Variants in CSMD1 observed in about 807,000 individuals in gnomAD.
CSMD1 encodes the protein CUB and Sushi multiple domains 1, also known as CUB and sushi domain-containing protein 1.
In CSMD1, 213 loss-of-function variants were observed where a neutral mutation model predicts 417.5. The ratio of observed to expected loss-of-function variants is 0.51; its 90% confidence interval spans 0.46 to 0.57. CSMD1 has a LOEUF of 0.57. Ranked by LOEUF, CSMD1 falls within the 20% of genes least tolerant of loss-of-function variation. The pLI is 0.00. For missense variants in CSMD1, 6,923 were observed against 4,529.7 expected (o/e 1.53, Z -15.17); for synonymous variants, 2,862 against 1,736.8 (o/e 1.65, Z -16.11).
At chr8:3,262,734 G>A (rs1435114685) in intron 26 of CSMD1, among the ~76,000 whole-genome samples, 1 of 152,046 alleles carries the variant, frequency 6.6e-6, no homozygotes, top group African/African-American at 2.4e-5. Context: ...TCTCATAGTG[G>A]AAAATGTCCT....
At chr8:3,803,391 G>A (rs188881181) in intron 5 of CSMD1, among the ~76,000 whole-genome samples, 18 of 152,182 alleles carry the variant, frequency 1.2e-4, no homozygotes, top group Non-Finnish European at 2.4e-4. Context: ...AACCCACGCT[G>A]GAGAGGAAAC....
At chr8:4,895,105 T>A (rs2117017723) in intron 1 of CSMD1, among the ~76,000 whole-genome samples, 1 of 152,322 alleles carries the variant, frequency 6.6e-6, no homozygotes, top group South Asian at 2.1e-4. Flanking sequence ...AGGAACTGGT[T>A]ATTAAAGAGT....
At chr8:3,308,157 C>G (rs753980673) in intron 24 of CSMD1, among the ~76,000 whole-genome samples, 155 bp downstream of exon 24, 1 of 151,824 alleles carries the variant, frequency 6.6e-6, no homozygotes, top group South Asian at 2.1e-4. Context: ...AAAACACACA[C>G]TCACAGACAC....
chr8:3,827,680 A>T (rs1413512290), intron 5 of CSMD1, among the ~76,000 whole-genome samples: 2 of 152,196 alleles, frequency 1.3e-5, no homozygotes, highest in African/African-American at 4.8e-5. Flanking sequence ...GATAAACCCA[A>T]TTTATTGACT....
intron 3 of CSMD1, among the ~76,000 whole-genome samples, chr8:4,229,874 T>C (rs1801605935): frequency 6.6e-6 from 1 of 152,218 alleles, no homozygotes; most frequent in African/African-American, 2.4e-5. Context: ...TGCCCCAGTG[T>C]TGAAATCTGT....
chr8:3,839,294 A>G (rs1224565756), intron 5 of CSMD1, among the ~76,000 whole-genome samples: 2 of 124,154 alleles, frequency 1.6e-5, no homozygotes, highest in Non-Finnish European at 3.1e-5. Context: ...TTAATTATAT[A>G]TACTATTATA....
intron 5 of CSMD1, among the ~76,000 whole-genome samples, chr8:3,947,320 T>A (rs547674745): frequency 6.6e-6 from 1 of 152,188 alleles, no homozygotes; most frequent in Admixed American, 6.5e-5. Flanking sequence ...TCTGTTAAGA[T>A]TATGAATTAC....
chr8:3,471,642 T>C (rs1817109778), intron 11 of CSMD1, among the ~76,000 whole-genome samples: 2 of 137,524 alleles, frequency 1.5e-5, no homozygotes, highest in South Asian at 5.8e-4. Context: ...CCCTCCCTTC[T>C]TCCTCTCTCC....
intron 5 of CSMD1, among the ~76,000 whole-genome samples, chr8:3,908,061 C>G (rs867140970): frequency 4.6e-5 from 7 of 152,116 alleles, no homozygotes; most frequent in Non-Finnish European, 8.8e-5. Flanking sequence ...GTCTGACTCT[C>G]AAATTGCAGT....
intron 11 of CSMD1, among the ~76,000 whole-genome samples, chr8:3,481,791 G>C (rs945113664): frequency 6.6e-6 from 1 of 152,164 alleles, no homozygotes; most frequent in South Asian, 2.1e-4. Flanking sequence ...GAAGAAGAAA[G>C]GGATGAATTC....
chr8:4,087,120 C>G (rs972024029), intron 3 of CSMD1, among the ~76,000 whole-genome samples: 1 of 152,198 alleles, frequency 6.6e-6, no homozygotes, highest in East Asian at 1.9e-4. Flanking sequence ...CATTCAATCT[C>G]TGGGTGATGG....
chr8:4,864,679 G>T (rs1802322023), intron 1 of CSMD1, among the ~76,000 whole-genome samples: 1 of 151,426 alleles, frequency 6.6e-6, no homozygotes, highest in South Asian at 2.1e-4. Flanking sequence ...CTACTAACCT[G>T]GTTTAAATAA....
At chr8:3,615,176 C>T (rs987545336) in intron 8 of CSMD1, among the ~76,000 whole-genome samples, 1 of 152,132 alleles carries the variant, frequency 6.6e-6, no homozygotes, top group Non-Finnish European at 1.5e-5. Flanking sequence ...TAACTGTTCA[C>T]AACCAACTCT....
chr8:4,192,035 G>A (rs1337933984), intron 3 of CSMD1, among the ~76,000 whole-genome samples: 1 of 152,080 alleles, frequency 6.6e-6, no homozygotes, highest in Non-Finnish European at 1.5e-5. Context: ...CAATTCTCCT[G>A]CAACAAAAGT....
chr8:3,024,022 G>T (rs1173662257), intron 51 of CSMD1, among the ~76,000 whole-genome samples: 1 of 152,010 alleles, frequency 6.6e-6, no homozygotes, highest in African/African-American at 2.4e-5. Flanking sequence ...TTACAAAAAT[G>T]TGTCATGTTC....
chr8:3,387,162 C>G (rs537405907), intron 18 of CSMD1, among the ~76,000 whole-genome samples: 35 of 152,298 alleles, frequency 2.3e-4, no homozygotes, highest in African/African-American at 8.2e-4. Flanking sequence ...AAAATCAGGT[C>G]TGACATCCTA....
chr8:3,024,310 A>AGGGGGGG (rs1809691622), intron 51 of CSMD1, among the ~76,000 whole-genome samples: 2 of 102,812 alleles, frequency 1.9e-5, no homozygotes, highest in Admixed American at 1.1e-4. Context: ...GGGGGAGGGC[A>AGGGGGGG]GTGGGGGAGG....
At chr8:4,666,764 T>C (rs764351747) in intron 1 of CSMD1, among the ~76,000 whole-genome samples, 10 of 152,202 alleles carry the variant, frequency 6.6e-5, no homozygotes, top group East Asian at 1.9e-4. Context: ...TCATCAGATA[T>C]GTATTTTGCA....
At chr8:3,422,366 C>G (rs1813550087) in intron 12 of CSMD1, among the ~76,000 whole-genome samples, 1 of 152,074 alleles carries the variant, frequency 6.6e-6, no homozygotes, top group Non-Finnish European at 1.5e-5. Context: ...GAAAGAGGAA[C>G]CAAGAATCTT....
Sources: allele counts gnomAD v4.1 joint callset (sites outside exome capture counted in the v4.1 genomes callset), GRCh38; gene constraint gnomAD v4.1.1; transcripts MANE v1.5; gene names NCBI Gene and HGNC (gene_info 2026-07-23, HGNC 2026-07-21).